Variants in IFT122 observed in about 807,000 individuals in gnomAD.
IFT122 encodes intraflagellar transport 122.
A neutral mutation model predicts 161.6 loss-of-function variants in IFT122; 118 were observed. The observed-to-expected ratio is 0.73, with a 90% CI of 0.63 to 0.85. IFT122 has a LOEUF of 0.85. Among genes scored for constraint, IFT122 ranks in the 40% least tolerant of loss-of-function variants. IFT122 has a pLI of 0.00. For missense variants in IFT122, 1,381 were observed against 1,579.6 expected, an observed-to-expected ratio of 0.87 and a Z score of 2.13; for synonymous variants, 550 against 602.4, an observed-to-expected ratio of 0.91 and a Z score of 1.27.
At chr3:129,499,537 A>T (rs2081284520) in intron 18 of IFT122, among the ~76,000 whole-genome samples, 1 of 152,208 alleles carries the variant, frequency 6.6e-6, no homozygotes, top group Admixed American at 6.5e-5. Flanking sequence ...AAACTATGTG[A>T]GAGAGAGACA....
At chr3:129,487,882 T>C in intron 15 of IFT122, 1 of 350,618 alleles carries the variant, frequency 2.9e-6, no homozygotes, top group Non-Finnish European at 5.6e-6. Context: ...TTGGGAGGAC[T>C]CTGCAGAAGA....
intron 15 of IFT122, among the ~76,000 whole-genome samples, chr3:129,486,118 G>T (rs1436086242): frequency 2.6e-5 from 4 of 152,194 alleles, no homozygotes; most frequent in Non-Finnish European, 5.9e-5. Flanking sequence ...GTTCAGTGGG[G>T]TCTATTTTTA....
rs1292145625 is a variant in IFT122, at chr3:129,489,989, T to A, written c.1992+1592T>A. Among the ~76,000 whole-genome samples the A allele has an allele frequency of 2.6e-5, 4 of 151,820 alleles. No individual in the cohort carries two copies. The East Asian group carries it at 7.7e-4, about 29-fold the overall frequency. ...TTGTAAAAAGCCACAAGGTTTAATA[T>A]GAGTGTTTACTGATATTTTTATAAA... On this transcript the variant is annotated intron_variant, in intron 16 of 29. Transcript: ENST00000348417.
At chr3:129,488,200 G>A (rs773718674) in intron 15 of IFT122, 57 bp from the exon 16 acceptor site, 19 of 1,613,032 alleles carry the variant, frequency 1.2e-5, no homozygotes, top group Middle Eastern at 1.6e-4. Flanking sequence ...TATGCATCTG[G>A]TTCTTTCCAT....
chr3:129,486,203 C>T (rs1361401877), intron 15 of IFT122, among the ~76,000 whole-genome samples: 5 of 152,212 alleles, frequency 3.3e-5, no homozygotes, highest in Admixed American at 3.3e-4. Context: ...TGTGATATGC[C>T]TGCCTGAGTG....
intron 3 of IFT122, among the ~76,000 whole-genome samples, chr3:129,452,476 A>G (rs1244308408): frequency 6.6e-6 from 1 of 152,116 alleles, no homozygotes; most frequent in East Asian, 1.9e-4. Flanking sequence ...CATTGAGATG[A>G]GGACAGGTGA....
At chr3:129,458,242 C>T (rs565259969) in intron 3 of IFT122, among the ~76,000 whole-genome samples, 5 of 152,152 alleles carry the variant, frequency 3.3e-5, no homozygotes, top group East Asian at 1.9e-4. Context: ...TCATAGGATC[C>T]GTGTCTTACC....
In IFT122 at chr3:129,512,412, T is replaced by C. The variant is rs776715650; in HGVS notation, c.2987T>C (p.Val996Ala). Residue 996 changes from valine (V) to alanine (A), a missense_variant and splice_region_variant, in exon 24 of 30, where the codon GTG (valine) becomes GCG (alanine). Val to Ala is a moderately conservative substitution (Grantham distance 64). Around this residue, in one of 7 missense-constraint regions of IFT122, gnomAD observed 496 missense variants for 502.5 expected, o/e 0.99. Coordinates refer to ENST00000348417, the MANE Select transcript of IFT122 (RefSeq NM_052989.3). Reference sequence around the variant, plus strand: ...GACACCCCCTCGGGCATCTCTAAAGTGTATCCTTTCTCTTATCCCTCCTCC... The same window carrying C: ...GACACCCCCTCGGGCATCTCTAAAGCGTATCCTTTCTCTTATCCCTCCTCC... ...PKDTPSGISK[V>A]KILFTLAKQS... The C allele has an allele frequency of 4.4e-6, 7 of 1,597,216 alleles. No homozygotes were observed. In the Admixed American group the frequency reaches 1.2e-4, roughly 27 times the overall value.
rs749466359 is a variant in IFT122 at position 129,449,884 on chromosome 3, G to T, written c.55G>T (p.Ala19Ser). Residue 19 changes from alanine to serine, a missense_variant, in exon 2 of 30, where the codon GCA becomes TCA. Coordinates refer to ENST00000348417, the MANE Select transcript of IFT122 (RefSeq NM_052989.3). ...DKAEHCINDI[A>S]FKPDGTQLIL... Reference sequence around the variant, plus strand: ...TCTTCTGTTCAGTATAAATGACATCGCATTTAAGCCTGATGGAACTCAACT... The same window carrying T: ...TCTTCTGTTCAGTATAAATGACATCTCATTTAAGCCTGATGGAACTCAACT... 4 of 1,611,866 alleles carry T rather than the reference G, an allele frequency of 2.5e-6. No homozygotes were observed. The highest frequency in any genetic ancestry group is 3.4e-6 in the Non-Finnish European group (4 of 1,178,090).
chr3:129,470,385 T>C (rs946440367), intron 9 of IFT122, among the ~76,000 whole-genome samples: 1 of 152,114 alleles, frequency 6.6e-6, no homozygotes, highest in African/African-American at 2.4e-5. Context: ...TACCTCAGCC[T>C]CCTGAGTAGC....
At chr3:129,517,823 C>T (rs1295325848) in intron 27 of IFT122, among the ~76,000 whole-genome samples, 3 of 152,202 alleles carry the variant, frequency 2.0e-5, no homozygotes, top group African/African-American at 7.2e-5. Flanking sequence ...CCTTGGTCTT[C>T]CCGTGTGGGT....
intron 1 of IFT122, among the ~76,000 whole-genome samples, chr3:129,441,454 A>G (rs2073092661): frequency 6.6e-6 from 1 of 151,960 alleles, no homozygotes; most frequent in Non-Finnish European, 1.5e-5. Context: ...ACCACTCTCT[A>G]AGGTAGGTAC....
intron 9 of IFT122, among the ~76,000 whole-genome samples, chr3:129,471,670 C>A (rs1210449582): frequency 6.6e-6 from 1 of 152,196 alleles, no homozygotes; most frequent in East Asian, 1.9e-4. Context: ...GAGATGGTAA[C>A]CCCAACTTGT....
chr3:129,502,815 C>G lies in IFT122; in HGVS notation c.2480C>G (p.Thr827Ser). ...KLDSPGYAAE[T>S]YLKMGDLKSL... Reference sequence around the variant, plus strand: ...GACAGCCCTGGCTATGCTGCTGAGACCTACCTGAAGATGGGTGACCTCAAG... The same window carrying G: ...GACAGCCCTGGCTATGCTGCTGAGAGCTACCTGAAGATGGGTGACCTCAAG... The change falls in exon 20 of 30, where the codon ACC becomes AGC. Residue 827 changes from threonine (T) to serine (S), a missense_variant. Thr to Ser is a moderately conservative substitution (Grantham distance 58, BLOSUM62 1). This residue lies in a region of IFT122 where 496 missense variants were observed against 502.5 expected (regional missense o/e 0.99). Coordinates refer to ENST00000348417, the MANE Select transcript of IFT122 (RefSeq NM_052989.3). 6.2e-7 allele frequency: 1 copy of G among 1,613,294 alleles called. No individual in the cohort carries two copies. The highest frequency in any genetic ancestry group is 8.5e-7 in the Non-Finnish European group (1 of 1,180,050).
chr3:129,495,757 C>T (rs1255163180), intron 18 of IFT122, 150 bp downstream of exon 18: 4 of 948,896 alleles, frequency 4.2e-6, no homozygotes. Context: ...AACAAAGGAC[C>T]CATCTACAGC....
intron 9 of IFT122, among the ~76,000 whole-genome samples, chr3:129,474,510 C>T (rs942630546): frequency 4.6e-5 from 7 of 152,006 alleles, no homozygotes; most frequent in South Asian, 4.1e-4. Flanking sequence ...ATGGGATAGG[C>T]GAGCACAAGT....
chr3:129,440,574 G>T (rs2072866428), intron 1 of IFT122, among the ~76,000 whole-genome samples: 1 of 152,208 alleles, frequency 6.6e-6, no homozygotes, highest in Non-Finnish European at 1.5e-5. Context: ...GCAAAGGGAG[G>T]TGCCGCGCCT....
intron 20 of IFT122, 29 bp from the exon 21 acceptor site, chr3:129,504,287 TTTA>T (rs1299623225): frequency 1.3e-6 from 2 of 1,562,644 alleles, no homozygotes; most frequent in Non-Finnish European, 1.8e-6. Flanking sequence ...CAGGGGCAGC[TTTA>T]TTAAGACTTC....
In IFT122 at chr3:129,507,779, A is replaced by T; in HGVS notation, c.2886+17A>T. On this transcript the variant is annotated intron_variant, in intron 23 of 29. Transcript: ENST00000348417. ...CGCCACACGGTAAGGTGGCTGGGTC[A>T]CCAGCACCTGAGGGTACCATCTCCT... The T allele has an allele frequency of 1.3e-6, 2 of 1,586,570 alleles. No individual in the cohort carries two copies. The highest frequency in any genetic ancestry group is 8.7e-7 in the Non-Finnish European group (1 of 1,154,986).
Sources: gnomAD v4.1 joint callset for allele counts (sites outside exome capture counted in the v4.1 genomes callset) on GRCh38, gnomAD v4.1.1 for gene constraint, gnomAD v4.1.1 regional missense constraint, MANE v1.5 for transcripts, NCBI Gene and HGNC (gene_info 2026-07-23, HGNC 2026-07-21) for gene names.